Variants in NOL4L observed in about 807,000 individuals in gnomAD.
NOL4L encodes the protein nucleolar protein 4-like.
Under a neutral mutation model 64.5 loss-of-function variants are expected in NOL4L, and 7 were observed. The ratio of observed to expected loss-of-function variants is 0.11; its 90% CI spans 0.06 to 0.20. The LOEUF is 0.20. Among genes scored for constraint, NOL4L ranks in the 10% least tolerant of loss-of-function variants. NOL4L has a pLI of 1.00. For synonymous variants in NOL4L, 413 were observed against 401.0 expected, an observed-to-expected ratio of 1.03 and a Z score of -0.36; for missense variants, 680 against 967.1, an observed-to-expected ratio of 0.70 and a Z score of 3.94.
intron 1 of NOL4L, among the ~76,000 whole-genome samples, chr20:32,574,299 T>C (rs1225215306): frequency 1.3e-5 from 2 of 152,190 alleles, no homozygotes; most frequent in Non-Finnish European, 2.9e-5. Flanking sequence ...TCACATGGAT[T>C]CTTGCCTTTA....
chr20:32,494,451 C>T (rs1568655441), intron 4 of NOL4L, among the ~76,000 whole-genome samples: 1 of 151,990 alleles, frequency 6.6e-6, no homozygotes, highest in African/African-American at 2.4e-5. Flanking sequence ...CTCCTCTCTT[C>T]TTCCTCCCCA....
At chr20:32,498,933 G>A (rs938637996) in intron 4 of NOL4L, among the ~76,000 whole-genome samples, 16 of 152,108 alleles carry the variant, frequency 1.1e-4, no homozygotes, top group Admixed American at 4.6e-4. Flanking sequence ...AGGCTGGAGT[G>A]CAGTGGTGCA....
At chr20:32,545,351 T>C (rs1337597838) in intron 1 of NOL4L, among the ~76,000 whole-genome samples, 3 of 152,232 alleles carry the variant, frequency 2.0e-5, no homozygotes, top group Non-Finnish European at 1.5e-5. Flanking sequence ...CCTCCTAATG[T>C]TGACAACCCC....
chr20:32,449,740 C>G (rs2012684114), intron 10 of NOL4L: 1 of 152,246 alleles, frequency 6.6e-6, no homozygotes, highest in African/African-American at 2.4e-5. Flanking sequence ...AACAGGAGTG[C>G]CTCTGCTAAC....
intron 1 of NOL4L, among the ~76,000 whole-genome samples, chr20:32,568,778 C>T (rs1979588847): frequency 6.6e-6 from 1 of 152,206 alleles, no homozygotes; most frequent in Non-Finnish European, 1.5e-5. Flanking sequence ...GCCCTGCTGA[C>T]CCTGCCAGGC....
intron 4 of NOL4L, among the ~76,000 whole-genome samples, chr20:32,502,708 C>T (rs527688665): frequency 8.8e-4 from 134 of 151,886 alleles, no homozygotes; most frequent in African/African-American, 3.1e-3. Context: ...GTCAGGAGTT[C>T]GAGACCAGCC....
At chr20:32,471,154 G>A (rs2014984263) in intron 5 of NOL4L, among the ~76,000 whole-genome samples, 1 of 152,202 alleles carries the variant, frequency 6.6e-6, no homozygotes, top group African/African-American at 2.4e-5. Flanking sequence ...GAACCTCAGA[G>A]GCAAGCTCCC....
At chr20:32,532,535 T>C (rs951975097) in intron 1 of NOL4L, 4 of 193,192 alleles carry the variant, frequency 2.1e-5, no homozygotes, top group Non-Finnish European at 3.8e-5. Context: ...AGGCAGGCCT[T>C]CCCTAGCTAA....
At chr20:32,486,719 C>T (rs1419078865) in intron 4 of NOL4L, 1 of 471,192 alleles carries the variant, frequency 2.1e-6, no homozygotes, top group Non-Finnish European at 4.4e-6. Context: ...ATCTGGCAGA[C>T]ACTTCCCAAT....
intron 3 of NOL4L, among the ~76,000 whole-genome samples, chr20:32,513,590 C>T (rs137891286): frequency 4.5e-4 from 68 of 152,246 alleles, no homozygotes; most frequent in African/African-American, 1.4e-3. Flanking sequence ...AAGCCGGGCA[C>T]GGTGGCTCAC....
chr20:32,448,315 T>C (rs2012512459), intron 10 of NOL4L, among the ~76,000 whole-genome samples: 1 of 151,904 alleles, frequency 6.6e-6, no homozygotes, highest in African/African-American at 2.4e-5. Context: ...GAGAGATGCG[T>C]GTGGGGAAAG....
At chr20:32,545,954 T>C (rs1453621241) in intron 1 of NOL4L, among the ~76,000 whole-genome samples, 1 of 150,662 alleles carries the variant, frequency 6.6e-6, no homozygotes, top group African/African-American at 2.4e-5. Flanking sequence ...TCTTTTCTTT[T>C]TTTTTTTTTT....
intron 3 of NOL4L, among the ~76,000 whole-genome samples, chr20:32,514,807 T>C (rs965238658): frequency 6.6e-6 from 1 of 152,024 alleles, no homozygotes; most frequent in African/African-American, 2.4e-5. Flanking sequence ...CAGAGGTGGA[T>C]GTTTGGACTG....
In NOL4L at chr20:32,453,227, C is replaced by A; in HGVS notation, c.1497+77G>T. The A allele has an allele frequency of 6.5e-7, 1 of 1,540,196 alleles. No individual in the cohort carries two copies. Among genetic ancestry groups the A allele is most frequent in the Non-Finnish European group, 8.8e-7 (1 of 1,134,238 alleles). ...CCTGGGAAGACCCTGGGTGAAGGGG[C>A]CCGGGCATCCTGGGAGTGTGGCAGG... On this transcript the variant is annotated intron_variant, in intron 8 of 10. Transcript: ENST00000621426. This position sits in a 1 kb window ranked among gnomAD's most constrained non-coding sequence, Gnocchi z 5.6.
intron 10 of NOL4L, among the ~76,000 whole-genome samples, chr20:32,450,984 T>TG (rs1806788418): frequency 6.6e-6 from 1 of 151,898 alleles, no homozygotes; most frequent in South Asian, 2.1e-4. Context: ...TTCCTGGTTC[T>TG]GGGGGGTGGC....
chr20:32,487,128 C>T (rs749032875), intron 4 of NOL4L, among the ~76,000 whole-genome samples: 76 of 151,782 alleles, frequency 5.0e-4, no homozygotes, highest in African/African-American at 1.5e-3. Flanking sequence ...ATTGGACGGG[C>T]GTGGTGGCAC....
At chr20:32,555,253 T>C (rs1978575178) in intron 1 of NOL4L, among the ~76,000 whole-genome samples, 1 of 152,116 alleles carries the variant, frequency 6.6e-6, no homozygotes, top group Admixed American at 6.5e-5. Context: ...CTCCAATTCA[T>C]ATGTTGAAGT....
Position 32,447,134 on chromosome 20 carries a change from A to T in NOL4L, c.*462T>A, listed in dbSNP as rs2012367065. 2.3e-6 allele frequency: 1 copy of T among 428,232 alleles called. No individual in the cohort carries two copies. The highest frequency in any genetic ancestry group is 4.7e-6 in the Non-Finnish European group (1 of 214,684). The allele number at this position is 428,232 out of a possible 1,614,324, so 26.5% of individuals were successfully genotyped here. A position where few individuals can be genotyped will look rare whatever the true frequency, so the allele number is the denominator to read the frequency against. ...ACAGACACAGACTAGCAATCTGTAC[A>T]AACACAAAAGAATCCATTTTCAGAA... On this transcript the variant is annotated 3_prime_UTR_variant, in exon 11 of 11. Coordinates refer to ENST00000621426, the MANE Select transcript of NOL4L (RefSeq NM_001256798.2).
chr20:32,446,887 A>C lies in NOL4L; in HGVS notation c.*709T>G, dbSNP rs1269942915. Reference sequence around the variant, plus strand: ...TTTTGCTTTGCCATGGGTGTGGGTGAGGTCCTCCTGCTTGGCGTTGCCTAG... The same window carrying C: ...TTTTGCTTTGCCATGGGTGTGGGTGCGGTCCTCCTGCTTGGCGTTGCCTAG... On this transcript the variant is annotated 3_prime_UTR_variant, in exon 11 of 11. Transcript: ENST00000621426. 4.1e-6 allele frequency: 1 copy of C among 246,634 alleles called. No individual in the cohort carries two copies. The highest frequency in any genetic ancestry group is 2.4e-5 in the African/African-American group (1 of 42,202). 15.3% of individuals were successfully genotyped at this position (246,634 alleles called of 1,614,324 possible). A position where few individuals can be genotyped will look rare whatever the true frequency, so the allele number is the denominator to read the frequency against.
Sources: gnomAD v4.1 joint callset for allele counts (sites outside exome capture counted in the v4.1 genomes callset) on GRCh38, gnomAD v4.1.1 for gene constraint, Gnocchi (gnomAD v3.1) non-coding constraint, MANE v1.5 for transcripts, NCBI Gene and HGNC (gene_info 2026-07-23, HGNC 2026-07-21) for gene names.